The following CDH13 variants were observed in gnomAD, a reference collection of about 807,000 sequenced individuals.
CDH13 encodes cadherin-13.
A neutral mutation model predicts 63.8 loss-of-function variants in CDH13; 24 were observed. The ratio of observed to expected loss-of-function variants is 0.38; its 90% CI spans 0.27 to 0.53. CDH13 has a LOEUF of 0.53. Ranked by LOEUF, CDH13 falls within the 20% of genes least tolerant of loss-of-function variation. CDH13 has a pLI of 0.85. For missense variants in CDH13, 1,049 were observed against 903.1 expected (o/e 1.16, Z -2.07); for synonymous variants, 503 against 355.3 (o/e 1.42, Z -4.67).
rs189506373 is a variant in CDH13 at position 83,033,365 on chromosome 16, G to T, written c.366+1147G>T. On this transcript the variant is annotated intron_variant, in intron 3 of 13. Transcript: ENST00000567109. Reference sequence around the variant, plus strand: ...TACATTTGCATTTAACAGGTCATAGGTATCTCAGAGATAAGCTGCCCAACC... The same window carrying T: ...TACATTTGCATTTAACAGGTCATAGTTATCTCAGAGATAAGCTGCCCAACC... 2.5e-3 allele frequency among the ~76,000 whole-genome samples: 382 copies of T among 151,688 alleles called. 3 individuals carry two copies. The highest frequency in any genetic ancestry group is 0.02 in the South Asian group (94 of 4,790).
intron 5 of CDH13, among the ~76,000 whole-genome samples, chr16:83,341,996 C>T (rs2090735189): frequency 7.4e-6 from 1 of 135,480 alleles, no homozygotes; most frequent in African/African-American, 2.8e-5. Flanking sequence ...CTGCCACACA[C>T]ACACACACAC....
At chr16:82,838,959 C>G (rs1157099336) in intron 1 of CDH13, among the ~76,000 whole-genome samples, 2 of 152,232 alleles carry the variant, frequency 1.3e-5, no homozygotes, top group Non-Finnish European at 2.9e-5. Flanking sequence ...CATCCAGTCT[C>G]TGGGCAGCTA....
At chr16:83,420,289 G>A (rs1418167144) in intron 6 of CDH13, among the ~76,000 whole-genome samples, 2 of 152,172 alleles carry the variant, frequency 1.3e-5, no homozygotes, top group Admixed American at 6.5e-5. Flanking sequence ...ACTAAGGTCA[G>A]TGAAAATTGG....
intron 11 of CDH13, among the ~76,000 whole-genome samples, chr16:83,752,644 T>C (rs912944696): frequency 1.3e-5 from 2 of 152,202 alleles, no homozygotes; most frequent in African/African-American, 4.8e-5. Context: ...TTGAGTCTCA[T>C]CTATGTTTTC....
intron 2 of CDH13, among the ~76,000 whole-genome samples, chr16:82,970,010 C>A (rs1337269902): frequency 6.6e-6 from 1 of 151,790 alleles, no homozygotes; most frequent in Non-Finnish European, 1.5e-5. Context: ...CGTAGGTATA[C>A]ACGTGCTATG....
intron 7 of CDH13, among the ~76,000 whole-genome samples, chr16:83,537,212 C>T (rs2075208418): frequency 1.3e-5 from 2 of 152,128 alleles, no homozygotes; most frequent in South Asian, 2.1e-4. Context: ...AAAGAAGGTA[C>T]AGAATAAGTA....
chr16:83,145,285 G>A (rs1209316624), intron 4 of CDH13, among the ~76,000 whole-genome samples: 1 of 152,166 alleles, frequency 6.6e-6, no homozygotes, highest in Non-Finnish European at 1.5e-5. Flanking sequence ...GATCATTGAG[G>A]CTTGGGCAGC....
At chr16:83,069,064 C>T (rs939388979) in intron 3 of CDH13, among the ~76,000 whole-genome samples, 2 of 152,210 alleles carry the variant, frequency 1.3e-5, no homozygotes, top group African/African-American at 4.8e-5. Context: ...AAGTCAGATT[C>T]TCAAAATCCC....
chr16:83,216,455 ATTTGAGGTTTAT>A (rs2039533446), intron 4 of CDH13, among the ~76,000 whole-genome samples: 2 of 42,414 alleles, frequency 4.7e-5, no homozygotes, highest in East Asian at 6.0e-4. Flanking sequence ...CACAACCCTA[ATTTGAGGTTTAT>A]ATATAACATA....
intron 7 of CDH13, among the ~76,000 whole-genome samples, chr16:83,514,344 T>G (rs1567727852): frequency 6.6e-6 from 1 of 152,134 alleles, no homozygotes; most frequent in Non-Finnish European, 1.5e-5. Context: ...CCTTGGAGTA[T>G]CCTCATAAGA....
At chr16:83,756,809 A>T (rs7189100) in intron 11 of CDH13, among the ~76,000 whole-genome samples, 2,356 of 152,346 alleles carry the variant, frequency 0.015, 77 homozygotes, top group African/African-American at 0.054. Context: ...AGAAAACTAA[A>T]AAGAGAAGTA....
intron 2 of CDH13, among the ~76,000 whole-genome samples, chr16:82,985,917 C>A (rs1415854256): frequency 6.6e-6 from 1 of 152,126 alleles, no homozygotes; most frequent in Admixed American, 6.5e-5. Context: ...ATGTGTTGTG[C>A]CTGCCTCCCT....
intron 9 of CDH13, among the ~76,000 whole-genome samples, chr16:83,671,763 C>T (rs189233211): frequency 3.8e-4 from 58 of 152,290 alleles, no homozygotes; most frequent in African/African-American, 1.3e-3. Context: ...CTTGCTAACT[C>T]ACACACTGAC....
At chr16:82,899,160 G>A (rs550700247) in intron 2 of CDH13, among the ~76,000 whole-genome samples, 1 of 152,200 alleles carries the variant, frequency 6.6e-6, no homozygotes, top group Non-Finnish European at 1.5e-5. Context: ...AGTCCACAGG[G>A]TCTCACATTA....
Position 83,329,988 on chromosome 16 carries a change from G to C in CDH13, c.637-14874G>C, listed in dbSNP as rs142654026. 4.6e-5 allele frequency among the ~76,000 whole-genome samples: 7 copies of C among 152,286 alleles called. No individual in the cohort carries two copies. The East Asian group carries it at 1.3e-3, about 29-fold the overall frequency. The stretch of plus-strand genomic sequence containing the variant: ...TTGTGAATAGTGCTGCTATGGACAT[G>C]AGTACGCAAATATATCTTTTAAGAC... On this transcript the variant is annotated intron_variant, in intron 5 of 13. Coordinates refer to ENST00000567109, the MANE Select transcript of CDH13 (RefSeq NM_001257.5).
intron 5 of CDH13, among the ~76,000 whole-genome samples, chr16:83,268,929 A>AAACTGCAAGGTC (rs11271229): frequency 0.88 from 134,035 of 151,894 alleles, 59,263 homozygotes; most frequent in East Asian, 1. Flanking sequence ...GCCACAAGCC[A>AAACTGCAAGGTC]AAGACCAGAG....
At chr16:82,817,086 G>A (rs2037755663) in intron 1 of CDH13, among the ~76,000 whole-genome samples, 1 of 151,974 alleles carries the variant, frequency 6.6e-6, no homozygotes, top group Non-Finnish European at 1.5e-5. Context: ...TCAGATTGAG[G>A]CTAAGTTTTC....
intron 5 of CDH13, among the ~76,000 whole-genome samples, chr16:83,223,331 CAG>C (rs1276083567): frequency 6.6e-6 from 1 of 152,230 alleles, no homozygotes; most frequent in East Asian, 1.9e-4. Flanking sequence ...GGCCAAAAGA[CAG>C]CACCTATTCC....
intron 1 of CDH13, chr16:82,824,954 C>G (rs2038173844): frequency 1.3e-5 from 2 of 151,942 alleles, no homozygotes; most frequent in Admixed American, 6.5e-5. Context: ...TTTACAGATA[C>G]CTTCTAAATA....
Sources: allele counts gnomAD v4.1 joint callset (sites outside exome capture counted in the v4.1 genomes callset), GRCh38; gene constraint gnomAD v4.1.1; transcripts MANE v1.5; gene names NCBI Gene and HGNC (gene_info 2026-07-23, HGNC 2026-07-21).